AGBL4: variants seen among roughly 807,000 people sequenced by gnomAD.
The protein encoded by AGBL4 is AGBL carboxypeptidase 4.
Under a neutral mutation model 66.4 loss-of-function variants are expected in AGBL4, and 58 were observed. The ratio of observed to expected loss-of-function variants is 0.87; its 90% CI spans 0.71 to 1.09. The LOEUF (loss-of-function observed/expected upper bound fraction) is 1.09, where lower values mean the gene tolerates loss of function less well. Among genes scored for constraint, AGBL4 ranks in the 50% least tolerant of loss-of-function variants. The probability of loss-of-function intolerance (pLI) is 0.00; values close to 1 mark genes in which losing one functional copy is unlikely to be tolerated. For synonymous variants in AGBL4, 234 were observed against 222.9 expected (o/e 1.05, Z -0.44); for missense variants, 579 against 631.0 (o/e 0.92, Z 0.88).
intron 3 of AGBL4, among the ~76,000 whole-genome samples, chr1:49,426,714 T>C (rs1039510046): frequency 6.6e-6 from 1 of 152,190 alleles, no homozygotes; most frequent in African/African-American, 2.4e-5. Flanking sequence ...CTACTACTTA[T>C]TTTACAGATG....
intron 2 of AGBL4, among the ~76,000 whole-genome samples, chr1:49,829,478 C>T (rs929874290): frequency 2.0e-5 from 3 of 152,070 alleles, no homozygotes; most frequent in Non-Finnish European, 4.4e-5. Context: ...CATCAGTATG[C>T]CCCTGGCAAC....
chr1:48,660,731 C>T (rs551761635), intron 7 of AGBL4, among the ~76,000 whole-genome samples: 44 of 152,172 alleles, frequency 2.9e-4, no homozygotes, highest in Non-Finnish European at 5.1e-4. Context: ...GACTCCAGAA[C>T]CACACTTGTC....
intron 5 of AGBL4, among the ~76,000 whole-genome samples, chr1:49,001,890 C>G (rs1258865863): frequency 6.6e-6 from 1 of 152,166 alleles, no homozygotes; most frequent in Non-Finnish European, 1.5e-5. Flanking sequence ...TACCAGTACC[C>G]TGCCATTGGA....
chr1:49,948,037 C>CATATAAAT (rs1655507356), intron 1 of AGBL4, among the ~76,000 whole-genome samples: 1 of 10,376 alleles, frequency 9.6e-5, no homozygotes, highest in South Asian at 4.5e-3. Context: ...AATATATATA[C>CATATAAAT]ATATAAATAT....
intron 1 of AGBL4, among the ~76,000 whole-genome samples, chr1:49,989,099 G>A (rs558985447): frequency 4.1e-4 from 62 of 152,258 alleles, no homozygotes; most frequent in African/African-American, 1.4e-3. Flanking sequence ...ACAGCTTGAC[G>A]GAGCTACCAT....
At chr1:49,381,020 T>C (rs1395312536) in intron 3 of AGBL4, among the ~76,000 whole-genome samples, 1 of 152,086 alleles carries the variant, frequency 6.6e-6, no homozygotes. Context: ...TCAAGAGCTT[T>C]TGTGCAGCAA....
At chr1:49,130,629 T>A (rs953690097) in intron 4 of AGBL4, among the ~76,000 whole-genome samples, 1 of 152,066 alleles carries the variant, frequency 6.6e-6, no homozygotes, top group African/African-American at 2.4e-5. Context: ...GTTGTAGATA[T>A]GCGGCATTAT....
chr1:48,841,419 AAAG>A (rs1646799837), intron 6 of AGBL4, among the ~76,000 whole-genome samples: 1 of 136,226 alleles, frequency 7.3e-6, no homozygotes, highest in South Asian at 2.8e-4. Flanking sequence ...CCCCAAAAAA[AAAG>A]AAGAGAGAGA....
intron 6 of AGBL4, among the ~76,000 whole-genome samples, chr1:48,669,251 C>T (rs1407827134): frequency 1.3e-5 from 2 of 152,176 alleles, no homozygotes; most frequent in Admixed American, 1.3e-4. Context: ...AAACAATAAG[C>T]AAGAGACTTT....
At chr1:49,264,893 A>G (rs945497913) in intron 3 of AGBL4, among the ~76,000 whole-genome samples, 2 of 152,206 alleles carry the variant, frequency 1.3e-5, no homozygotes, top group African/African-American at 4.8e-5. Context: ...TTCAATTTAT[A>G]TTATGGCAAA....
chr1:49,880,707 T>A (rs1647212000), intron 1 of AGBL4, among the ~76,000 whole-genome samples: 1 of 152,174 alleles, frequency 6.6e-6, no homozygotes. Flanking sequence ...GCTTCCCGGC[T>A]GCTTTGTTTA....
At chr1:49,552,183 A>G (rs1356090031) in intron 3 of AGBL4, among the ~76,000 whole-genome samples, 2 of 152,142 alleles carry the variant, frequency 1.3e-5, no homozygotes, top group Non-Finnish European at 2.9e-5. Flanking sequence ...GTCTGTTTCC[A>G]GGCAGTGGGT....
At chr1:49,603,266 C>G (rs1264209345) in intron 3 of AGBL4, among the ~76,000 whole-genome samples, 1 of 152,082 alleles carries the variant, frequency 6.6e-6, no homozygotes, top group Non-Finnish European at 1.5e-5. Context: ...AATGAAAAGC[C>G]TGTTCTGGTC....
At chr1:49,768,858 T>C (rs2147878345) in intron 2 of AGBL4, among the ~76,000 whole-genome samples, 1 of 152,106 alleles carries the variant, frequency 6.6e-6, no homozygotes, top group South Asian at 2.1e-4. Context: ...ATCAGGACTT[T>C]TTTTTTTTTG....
chr1:49,651,591 C>G (rs189426492), intron 3 of AGBL4, among the ~76,000 whole-genome samples: 10 of 152,146 alleles, frequency 6.6e-5, no homozygotes, highest in Non-Finnish European at 1.5e-4. Context: ...CAAAAGCTAC[C>G]CATAACACCA....
At chr1:48,823,392 C>A (rs1253280264) in intron 6 of AGBL4, among the ~76,000 whole-genome samples, 1 of 152,176 alleles carries the variant, frequency 6.6e-6, no homozygotes, top group East Asian at 1.9e-4. Context: ...TGGCTAGACT[C>A]CAACACCAGG....
intron 4 of AGBL4, among the ~76,000 whole-genome samples, chr1:49,232,836 CAAAAGAACACACA>C (rs935167448): frequency 3.3e-5 from 5 of 151,358 alleles, no homozygotes; most frequent in African/African-American, 1.2e-4. Context: ...GCAGAACACA[CAAAAGAACACACA>C]AAAAGAACAC....
intron 3 of AGBL4, among the ~76,000 whole-genome samples, chr1:49,470,748 C>A (rs568821064): frequency 1.3e-5 from 2 of 152,032 alleles, no homozygotes; most frequent in Non-Finnish European, 2.9e-5. Flanking sequence ...GCATAATCTG[C>A]CCCTTAATTT....
At chr1:49,653,823 A>G (rs1446554580) in intron 3 of AGBL4, among the ~76,000 whole-genome samples, 1 of 151,964 alleles carries the variant, frequency 6.6e-6, no homozygotes, top group East Asian at 2.0e-4. Flanking sequence ...ATGGGATTAT[A>G]TAAAAAGACT....
Sources: gnomAD v4.1 joint callset for allele counts (sites outside exome capture counted in the v4.1 genomes callset) on GRCh38, gnomAD v4.1.1 for gene constraint, MANE v1.5 for transcripts, NCBI Gene and HGNC (gene_info 2026-07-23, HGNC 2026-07-21) for gene names.